MXRA5: variants seen among roughly 807,000 people sequenced by gnomAD.
MXRA5 encodes the protein matrix remodeling associated 5.
In MXRA5, 41 loss-of-function variants were observed where a neutral mutation model predicts 112.5. That is an observed-to-expected ratio of 0.36 (90% CI 0.28 to 0.47). MXRA5 has a LOEUF of 0.47. Ranked by LOEUF, MXRA5 falls within the 20% of genes least tolerant of loss-of-function variation. The pLI is 0.99. For synonymous variants in MXRA5, 862 were observed against 900.8 expected (o/e 0.96, Z 0.77); for missense variants, 2,150 against 2,251.0 (o/e 0.96, Z 0.91).
At chrX:3,337,670 G>A (rs1238276995) in intron 2 of MXRA5, among the ~76,000 whole-genome samples, 1 of 112,128 alleles carries the variant, frequency 8.9e-6, no homozygotes, top group Admixed American at 9.5e-5. Context: ...GCCACTTCCT[G>A]GAGAACGTGT....
chrX:3,314,447 G>A (rs970714307), intron 6 of MXRA5, among the ~76,000 whole-genome samples: 87 of 111,341 alleles, frequency 7.8e-4, no homozygotes, highest in African/African-American at 2.6e-3. Flanking sequence ...GCAAACAACT[G>A]CCATAGCTAG....
At position 3,322,060 on chromosome X, in the gene MXRA5, T is replaced by C. The variant is rs1157328946; in HGVS notation, c.3625A>G (p.Thr1209Ala). 5.8e-6 allele frequency: 7 copies of C among 1,209,104 alleles called. No homozygotes were observed. The highest frequency in any genetic ancestry group is 7.8e-6 in the Non-Finnish European group (7 of 894,829). Reference sequence around the variant, plus strand: ...TCCAACTGTTTGGGGGTATTAACTGTGTTATCCACCCAAGCTGTAGGAACC... The same window carrying C: ...TCCAACTGTTTGGGGGTATTAACTGCGTTATCCACCCAAGCTGTAGGAACC... ...SLVPTAWVDNTVNTPKQLEME... is the reference protein window; with the variant it reads ...SLVPTAWVDNAVNTPKQLEME... The change falls in exon 5 of 7, where the codon ACA becomes GCA. Residue 1209 changes from threonine (T) to alanine (A), a missense_variant. Physicochemically the swap from Thr to Ala is moderately conservative, Grantham distance 58. Around this residue, in one of 6 missense-constraint regions of MXRA5, gnomAD observed 1,485 missense variants for 1,471.6 expected, o/e 1.01. Transcript: ENST00000217939.
At chrX:3,343,987 T>C (rs1167156429) in intron 1 of MXRA5, 126 bp from the exon 2 acceptor site, 48 of 518,880 alleles carry the variant, frequency 9.3e-5, no homozygotes, top group Non-Finnish European at 1.5e-4. Flanking sequence ...TGTGTTGTAG[T>C]GACGCTTAAA....
In MXRA5 at chrX:3,316,186, C is replaced by T. The variant is rs865976478; in HGVS notation, c.6578+917G>A. Reference sequence around the variant, plus strand: ...AAAATTAGCCAGGCGTGGTGGCGGGCGCCTGTAGTCCCAGCTACACGGGAG... The same window carrying T: ...AAAATTAGCCAGGCGTGGTGGCGGGTGCCTGTAGTCCCAGCTACACGGGAG... On this transcript the variant is annotated intron_variant, in intron 6 of 6. Coordinates refer to ENST00000217939, the MANE Select transcript of MXRA5 (RefSeq NM_015419.4). 5.9e-3 allele frequency among the ~76,000 whole-genome samples: 525 copies of T among 89,364 alleles called. 2 individuals are homozygous for T. The highest frequency in any genetic ancestry group is 0.011 in the Middle Eastern group (2 of 185). The allele number at this position is 89,364 out of a possible 115,157, so 77.6% of individuals were successfully genotyped here.
chrX:3,341,294 A>G (rs1370642029), intron 2 of MXRA5, among the ~76,000 whole-genome samples: 1 of 48,351 alleles, frequency 2.1e-5, no homozygotes. Context: ...TAATATATAT[A>G]ATATACATAT....
At position 3,320,755 on chromosome X, in the gene MXRA5, T is replaced by G; in HGVS notation, c.4930A>C (p.Asn1644His). The G allele has an allele frequency of 8.3e-7, 1 of 1,212,082 alleles. No homozygotes were observed. Among genetic ancestry groups the G allele is most frequent in the Non-Finnish European group, 1.1e-6 (1 of 895,536 alleles). ...VTSQSPRHWT[N>H]KPEITTYPSG... ...GGATATGTAGTTATTTCCGGTTTGT[T>G]GGTCCAGTGACGAGGTGACTGGGAA... is the stretch of plus-strand genomic sequence containing the variant. The change falls in exon 5 of 7, where the codon AAC (asparagine) becomes CAC (histidine). Residue 1644 changes from asparagine (N) to histidine (H), a missense_variant. Asn to His is a moderately conservative substitution (Grantham distance 68, BLOSUM62 1). Around this residue, in one of 6 missense-constraint regions of MXRA5, gnomAD observed 1,485 missense variants for 1,471.6 expected, o/e 1.01. Transcript: ENST00000217939.
In MXRA5 at chrX:3,323,951, C is replaced by T. The variant is rs376058143; in HGVS notation, c.1734G>A (p.Gln578=). ...YRVLVQSPST[Q]PAEKDTVTIG... is the part of the protein sequence containing the mutation. ...TTGTCACTGTGTCTTTCTCGGCTGG[C>T]TGAGTGGAGGGAGACTGCACAAGTA... is the stretch of plus-strand genomic sequence containing the variant. The change falls in exon 5 of 7, where the codon CAG becomes CAA. Residue 578 remains glutamine (Q), a synonymous_variant. Transcript: ENST00000217939. The T allele has an allele frequency of 1.7e-5, 21 of 1,204,131 alleles. No homozygotes were observed. The Middle Eastern group carries it at 6.9e-4, about 40-fold the overall frequency.
Position 3,322,935 on chromosome X carries a change from G to A in MXRA5, c.2750C>T (p.Pro917Leu). The A allele has an allele frequency of 8.3e-7, 1 of 1,211,524 alleles. No homozygotes were observed. Among genetic ancestry groups the A allele is most frequent in the Non-Finnish European group, 1.1e-6 (1 of 895,500 alleles). The change falls in exon 5 of 7, where the codon CCT becomes CTT. Residue 917 changes from proline (P) to leucine (L), a missense_variant. This residue lies in a region of MXRA5 where 1,485 missense variants were observed against 1,471.6 expected (regional missense o/e 1.01). Coordinates refer to ENST00000217939, the MANE Select transcript of MXRA5 (RefSeq NM_015419.4). ...GTGCAGAGTAGGAGATGGTTCATAA[G>A]GCTCAGATATAAGTGTAGGGGCTGC... Reference protein sequence around the residue: ...GTAAPTLISEPYEPSPTLHTL... With the variant: ...GTAAPTLISELYEPSPTLHTL...
Position 3,324,153 on chromosome X carries a change from A to G in MXRA5, c.1532T>C (p.Ile511Thr). ...CNVKASESPS[I>T]FWVLPDGSIL... ...GGAGCCATCTGGAAGCACCCAGAAG[A>G]TAGATGGACTCTCAGAAGCTTTCAC... Residue 511 changes from isoleucine to threonine, a missense_variant, in exon 5 of 7, where the codon ATC becomes ACC. Around this residue, in one of 6 missense-constraint regions of MXRA5, gnomAD observed 386 missense variants for 411.0 expected, o/e 0.94. Transcript: ENST00000217939. The G allele has an allele frequency of 8.3e-7, 1 of 1,211,447 alleles. No homozygotes were observed. Among genetic ancestry groups the G allele is most frequent in the Non-Finnish European group, 1.1e-6 (1 of 895,492 alleles).
In MXRA5 at chrX:3,322,228, C is replaced by G. The variant is rs372350891; in HGVS notation, c.3457G>C (p.Gly1153Arg). 1 of 1,192,974 alleles carries G rather than the reference C, an allele frequency of 8.4e-7. No homozygotes were observed. The highest frequency in any genetic ancestry group is 1.8e-5 in the African/African-American group (1 of 57,136). ...TTGTTGGGGCGTAATCTCCTTCTCC[C>G]GTTGGGTCTCCTTCGAGAAGGGTGA... is the stretch of plus-strand genomic sequence containing the variant. Reference protein sequence around the residue: ...STHPSRRRPNGRRRLRPNKFR... With the variant: ...STHPSRRRPNRRRRLRPNKFR... The change falls in exon 5 of 7, where the codon GGG becomes CGG. Residue 1153 changes from glycine (G) to arginine (R), a missense_variant. Transcript: ENST00000217939.
In MXRA5 at chrX:3,322,346, C is replaced by T. The variant is rs754896583; in HGVS notation, c.3339G>A (p.Ala1113=). 59 of 1,208,975 alleles carry T rather than the reference C, an allele frequency of 4.9e-5. No homozygotes were observed. The highest frequency in any genetic ancestry group is 4.1e-4 in the South Asian group (23 of 56,670). The change falls in exon 5 of 7, where the codon GCG becomes GCA. Residue 1113 remains alanine (A), a synonymous_variant. Transcript: ENST00000217939. ...MSSMSPVKKP[A]ETTVGTLLDK... ...CTAGGAGGGTACCAACTGTGGTTTC[C>T]GCAGGCTTCTTAACTGGAGACATAC... is the stretch of plus-strand genomic sequence containing the variant.
rs151141545 is a variant in MXRA5, at chrX:3,321,618, C to T, written c.4067G>A (p.Arg1356His). ...ESITNAIPTS[R>H]SLVSTMGEFK... Reference sequence around the variant, plus strand: ...TTCTCCCATAGTGGAGACCAAGGAGCGAGAAGTTGGTATGGCATTAGTAAT... The same window carrying T: ...TTCTCCCATAGTGGAGACCAAGGAGTGAGAAGTTGGTATGGCATTAGTAAT... Residue 1356 changes from arginine (R) to histidine (H), a missense_variant, in exon 5 of 7, where the codon CGC becomes CAC. Arg to His is a conservative substitution (Grantham distance 29). This residue lies in a region of MXRA5 where 1,485 missense variants were observed against 1,471.6 expected (regional missense o/e 1.01). Coordinates refer to ENST00000217939, the MANE Select transcript of MXRA5 (RefSeq NM_015419.4). 236 of 1,209,221 alleles carry T rather than the reference C, an allele frequency of 2.0e-4. No individual in the cohort carries two copies. Among genetic ancestry groups the T allele is most frequent in the Admixed American group, 2.4e-4 (11 of 45,740 alleles).
At chrX:3,319,869 A>G in intron 5 of MXRA5, 139 bp downstream of exon 5, 1 of 444,266 alleles carries the variant, frequency 2.3e-6, no homozygotes, top group Non-Finnish European at 3.7e-6. Flanking sequence ...TCGAGTAAAA[A>G]ATTTCCCCAA....
rs2240240 is a variant in MXRA5 at position 3,310,103 on chromosome X, C to G, written c.8100G>C (p.Glu2700Asp). 0.14 allele frequency: 167,864 copies of G among 1,208,655 alleles called. 8,937 individuals carry two copies. Among genetic ancestry groups the G allele is most frequent in the East Asian group, 0.35 (11,891 of 33,634 alleles). ...LLDNGTLTVR[E>D]ASVFDRGTYV... The stretch of plus-strand genomic sequence containing the variant: ...AGGTACCCCTGTCAAACACCGAGGC[C>G]TCACGAACCGTGAGGGTGCCATTGT... The change falls in exon 7 of 7, where the codon GAG (glutamate) becomes GAC (aspartate). Residue 2700 changes from glutamate to aspartate, a missense_variant. Around this residue, in one of 6 missense-constraint regions of MXRA5, gnomAD observed 178 missense variants for 198.2 expected, o/e 0.90. Transcript: ENST00000217939.
Position 3,322,287 on chromosome X carries a change from C to T in MXRA5, c.3398G>A (p.Arg1133Lys), listed in dbSNP as rs1410588009. Residue 1133 changes from arginine to lysine, a missense_variant, in exon 5 of 7, where the codon AGG becomes AAG. By Grantham distance (26) the Arg-to-Lys change is conservative. Coordinates refer to ENST00000217939, the MANE Select transcript of MXRA5 (RefSeq NM_015419.4). ...KDTTTATTTP[R>K]QKVAPSSTMS... ...GGTGGATGACGGAGCAACTTTTTGC[C>T]TTGGTGTTGTTGTTGCTGTTGTGGT... The T allele has an allele frequency of 5.0e-6, 6 of 1,206,990 alleles. No homozygotes were observed. Among genetic ancestry groups the T allele is most frequent in the Non-Finnish European group, 5.6e-6 (5 of 893,083 alleles).
Position 3,324,405 on chromosome X carries a change from G to C in MXRA5, c.1280C>G (p.Ala427Gly). The change falls in exon 5 of 7, where the codon GCA (alanine) becomes GGA (glycine). Residue 427 changes from alanine to glycine, a missense_variant. Ala to Gly is a moderately conservative substitution (Grantham distance 60). Transcript: ENST00000217939. Reference protein sequence around the residue: ...YYTGVRAQILAEPEWVMQPSI... With the variant: ...YYTGVRAQILGEPEWVMQPSI... ...TGGCTGCATGACCCATTCTGGTTCT[G>C]CAAGAATCTGGGCTCTCACACCTGT... The C allele has an allele frequency of 8.3e-7, 1 of 1,211,638 alleles. No individual in the cohort carries two copies. Among genetic ancestry groups the C allele is most frequent in the Non-Finnish European group, 1.1e-6 (1 of 895,503 alleles).
At position 3,330,117 on chromosome X, in the gene MXRA5, G is replaced by A; in HGVS notation, c.610C>T (p.Arg204Trp). 4 of 1,209,529 alleles carry A rather than the reference G, an allele frequency of 3.3e-6. No homozygotes were observed. The highest frequency in any genetic ancestry group is 1.7e-5 in the African/African-American group (1 of 57,739). ...AGATTCTCCAGAAGCGGCATGTTCC[G>A]AAGCATGCTGGCAGGAAGAGTTCTA... ...MVRTLPASML[R>W]NMPLLENLYL... The change falls in exon 4 of 7, where the codon CGG becomes TGG. Residue 204 changes from arginine (R) to tryptophan (W), a missense_variant. Transcript: ENST00000217939.
Position 3,310,993 on chromosome X carries a change from G to C in MXRA5, c.7210C>G (p.Leu2404Val). 5 of 1,211,687 alleles carry C rather than the reference G, an allele frequency of 4.1e-6. No homozygotes were observed. Among genetic ancestry groups the C allele is most frequent in the Non-Finnish European group, 5.6e-6 (5 of 895,537 alleles). The part of the protein sequence containing the change: ...KYQIYQDGTL[L>V]IQKAQRSDSG... ...TCAGAACGCTGGGCTTTCTGAATAA[G>C]GAGAGTGCCATCTTGGTATATCTGA... Residue 2404 changes from leucine to valine, a missense_variant, in exon 7 of 7, where the codon CTT (leucine) becomes GTT (valine). Coordinates refer to ENST00000217939, the MANE Select transcript of MXRA5 (RefSeq NM_015419.4).
chrX:3,339,945 T>C (rs990007702), intron 2 of MXRA5, among the ~76,000 whole-genome samples: 11 of 112,115 alleles, frequency 9.8e-5, no homozygotes, highest in African/African-American at 3.6e-4. Context: ...CAAAATTATG[T>C]CTTCGGTTCC....
Sources: allele counts gnomAD v4.1 joint callset (sites outside exome capture counted in the v4.1 genomes callset), GRCh38; gene constraint gnomAD v4.1.1; regional missense constraint gnomAD v4.1.1; transcripts MANE v1.5; gene names NCBI Gene and HGNC (gene_info 2026-07-23, HGNC 2026-07-21).